The following RAB6B variants were observed in gnomAD, a reference collection of about 807,000 sequenced individuals.
RAB6B encodes the protein RAB6B, member RAS oncogene family.
Under a neutral mutation model 31.2 loss-of-function variants are expected in RAB6B, and 7 were observed. The observed-to-expected ratio is 0.22, with a 90% CI of 0.13 to 0.42. The LOEUF (loss-of-function observed/expected upper bound fraction) is 0.42, where lower values mean the gene tolerates loss of function less well. Ranked by LOEUF, RAB6B falls within the 10% of genes least tolerant of loss-of-function variation. The pLI is 1.00. For missense variants in RAB6B, 149 were observed against 280.6 expected, an observed-to-expected ratio of 0.53 and a Z score of 3.35; for synonymous variants, 105 against 104.9, an observed-to-expected ratio of 1.00 and a Z score of -0.01.
At chr3:133,835,788 C>T (rs1190942465) in intron 6 of RAB6B, among the ~76,000 whole-genome samples, 1 of 152,014 alleles carries the variant, frequency 6.6e-6, no homozygotes, top group African/African-American at 2.4e-5. Flanking sequence ...AGCCTGTCTG[C>T]CCCTTCCACC....
intron 1 of RAB6B, among the ~76,000 whole-genome samples, chr3:133,887,544 G>C (rs919531070): frequency 2.6e-5 from 4 of 152,176 alleles, no homozygotes; most frequent in African/African-American, 9.7e-5. Flanking sequence ...TTATTGGCTT[G>C]GCCTCATACT....
At chr3:133,848,713 G>A (rs1296562837) in intron 2 of RAB6B, among the ~76,000 whole-genome samples, 2 of 151,770 alleles carry the variant, frequency 1.3e-5, no homozygotes, top group Non-Finnish European at 2.9e-5. Context: ...CATTCATGAG[G>A]GTGAAGCCCT....
intron 7 of RAB6B, among the ~76,000 whole-genome samples, chr3:133,833,442 G>A (rs1935685124): frequency 6.6e-6 from 1 of 152,072 alleles, no homozygotes; most frequent in African/African-American, 2.4e-5. Context: ...CCCCCCGGGG[G>A]GTGGGTCTCG....
Position 133,853,098 on chromosome 3 carries a change from A to T in RAB6B, c.130-11435T>A, listed in dbSNP as rs887336101. Among the ~76,000 whole-genome samples the T allele has an allele frequency of 1.9e-4, 29 of 152,014 alleles. 1 individual carries two copies. Among genetic ancestry groups the T allele is most frequent in the Non-Finnish European group, 1.5e-5 (1 of 68,008 alleles). ...ATGGGGACATCAGACAAAAAGAACAACTAGCCACCCAGGTAGGCCATATCC... is the reference window on the plus strand; with the variant it reads ...ATGGGGACATCAGACAAAAAGAACATCTAGCCACCCAGGTAGGCCATATCC... On this transcript the variant is annotated intron_variant, in intron 2 of 7. Transcript: ENST00000285208.
At chr3:133,891,017 C>T (rs962157249) in intron 1 of RAB6B, among the ~76,000 whole-genome samples, 2 of 152,114 alleles carry the variant, frequency 1.3e-5, no homozygotes, top group African/African-American at 4.8e-5. Flanking sequence ...GCAGGTAAGT[C>T]TGGAAATTGG....
chr3:133,841,582 C>A, intron 3 of RAB6B, 28 bp downstream of exon 3: 1 of 1,612,226 alleles, frequency 6.2e-7, no homozygotes, highest in Non-Finnish European at 8.5e-7. Flanking sequence ...CCTCCCTGCC[C>A]CTCCCAGTCC....
intron 2 of RAB6B, among the ~76,000 whole-genome samples, chr3:133,850,937 G>A (rs572585108): frequency 6.7e-6 from 1 of 149,418 alleles, no homozygotes; most frequent in Non-Finnish European, 1.5e-5. Context: ...CTCACGCAAG[G>A]AAATAACAGG....
intron 2 of RAB6B, among the ~76,000 whole-genome samples, chr3:133,857,378 G>A (rs1444835838): frequency 3.4e-5 from 5 of 149,008 alleles, no homozygotes; most frequent in African/African-American, 5.0e-5. Flanking sequence ...GTCTCCCAGC[G>A]AAGTGGGACT....
chr3:133,871,192 T>C (rs183598984), intron 1 of RAB6B, among the ~76,000 whole-genome samples: 61 of 152,356 alleles, frequency 4.0e-4, no homozygotes, highest in African/African-American at 1.2e-3. Context: ...ACAAAGCAGA[T>C]GCACCTCTGG....
chr3:133,839,580 G>A lies in RAB6B; in HGVS notation c.327C>T (p.Asp109=), dbSNP rs747796727. The part of the protein sequence containing the change: ...NSFQQTSKWI[D]DVRTERGSDV... ...CACTGCCCCTCTCTGTCCTGACGTCGTCGATCCACTTAGAGGTCTGTTGGA... is the reference window on the plus strand; with the variant it reads ...CACTGCCCCTCTCTGTCCTGACGTCATCGATCCACTTAGAGGTCTGTTGGA... Residue 109 remains aspartate (D), a synonymous_variant, in exon 5 of 8, where the codon GAC becomes GAT. Coordinates refer to ENST00000285208, the MANE Select transcript of RAB6B (RefSeq NM_016577.4). The A allele has an allele frequency of 2.3e-5, 37 of 1,614,068 alleles. No homozygotes were observed. Among genetic ancestry groups the A allele is most frequent in the Non-Finnish European group, 2.7e-5 (32 of 1,180,022 alleles).
intron 1 of RAB6B, among the ~76,000 whole-genome samples, chr3:133,864,967 T>C (rs1197181947): frequency 2.0e-5 from 3 of 152,208 alleles, no homozygotes; most frequent in Admixed American, 1.3e-4. Context: ...GAACCATCTA[T>C]AAAGAATCAA....
At chr3:133,873,139 T>C (rs557740369) in intron 1 of RAB6B, among the ~76,000 whole-genome samples, 89 of 152,182 alleles carry the variant, frequency 5.8e-4, no homozygotes, top group Admixed American at 3.2e-3. Context: ...GGCGAGTGCA[T>C]CCTAAAGGAT....
rs1185851082 is a variant in RAB6B at position 133,828,088 on chromosome 3, A to G, written c.*700T>C. 1.0e-5 allele frequency: 7 copies of G among 666,952 alleles called. No homozygotes were observed. Among genetic ancestry groups the G allele is most frequent in the Non-Finnish European group, 1.9e-5 (7 of 364,978 alleles). The allele number at this position is 666,952 out of a possible 1,614,324, so 41.3% of individuals were successfully genotyped here. A position where few individuals can be genotyped will look rare whatever the true frequency, so the allele number is the denominator to read the frequency against. On this transcript the variant is annotated 3_prime_UTR_variant, in exon 8 of 8. Coordinates refer to ENST00000285208, the MANE Select transcript of RAB6B (RefSeq NM_016577.4). ...CCTTCAAGGCTTTTCAGGGAAAGAG[A>G]AGGAGAGGTGGGAGCAGTTCCTCTG...
chr3:133,838,979 T>C (rs1243342463), intron 5 of RAB6B, among the ~76,000 whole-genome samples: 1 of 152,214 alleles, frequency 6.6e-6, no homozygotes. Context: ...GAGGGCAGCA[T>C]GGAGGAGCCT....
chr3:133,873,965 T>C (rs1047809231), intron 1 of RAB6B, among the ~76,000 whole-genome samples: 1 of 152,200 alleles, frequency 6.6e-6, no homozygotes, highest in Non-Finnish European at 1.5e-5. Context: ...TTACTGTTCA[T>C]TAAGTGAAAG....
intron 1 of RAB6B, among the ~76,000 whole-genome samples, chr3:133,880,530 C>T (rs1032769667): frequency 6.6e-6 from 1 of 152,352 alleles, no homozygotes; most frequent in South Asian, 2.1e-4. Flanking sequence ...GGCATCATCC[C>T]GGATGCCTGC....
chr3:133,871,952 G>A (rs915424643), intron 1 of RAB6B, among the ~76,000 whole-genome samples: 3 of 152,204 alleles, frequency 2.0e-5, no homozygotes, highest in Admixed American at 2.0e-4. Flanking sequence ...AGGGCCTAGG[G>A]CCCCAGGAGT....
At position 133,895,489 on chromosome 3, in the gene RAB6B, AGAG is replaced by A. The variant is rs754105199; in HGVS notation, c.-26_-24del. 1.5e-5 allele frequency: 24 copies of A among 1,608,860 alleles called. No homozygotes were observed. Among genetic ancestry groups the A allele is most frequent in the African/African-American group, 9.4e-5 (7 of 74,770 alleles). On this transcript the variant is annotated 5_prime_UTR_variant, in exon 1 of 8. Transcript: ENST00000285208. The stretch of plus-strand genomic sequence containing the variant: ...CATGGTGCTGGCAGCCGGGGCCGGG[AGAG>A]GAGGAGGAGGAAAAAGCGAAGGAGC...
At chr3:133,837,676 C>T (rs1370215203) in intron 6 of RAB6B, among the ~76,000 whole-genome samples, 1 of 152,236 alleles carries the variant, frequency 6.6e-6, no homozygotes, top group Non-Finnish European at 1.5e-5. Context: ...AACTCCACTG[C>T]CTCGCCCTCC....
Sources: allele counts gnomAD v4.1 joint callset (sites outside exome capture counted in the v4.1 genomes callset), GRCh38; gene constraint gnomAD v4.1.1; transcripts MANE v1.5; gene names NCBI Gene and HGNC (gene_info 2026-07-23, HGNC 2026-07-21).